Variants in RNF152 observed in about 807,000 individuals in gnomAD.
The protein encoded by RNF152 is ring finger protein 152, also known as E3 ubiquitin-protein ligase RNF152.
RNF152 carries 11 observed loss-of-function variants against 12.7 expected under a neutral mutation model. The ratio of observed to expected loss-of-function variants is 0.86; its 90% CI spans 0.54 to 1.43. The LOEUF (loss-of-function observed/expected upper bound fraction) is 1.43. Among genes scored for constraint, RNF152 ranks in the 40% most tolerant of loss-of-function variants. The pLI, the probability that RNF152 is intolerant of heterozygous loss-of-function variation, is 0.00. For synonymous variants in RNF152, 113 were observed against 120.3 expected (o/e 0.94, Z 0.40); for missense variants, 255 against 274.8 (o/e 0.93, Z 0.51).
chr18:61,890,938 T>A (rs565579640), intron 1 of RNF152, among the ~76,000 whole-genome samples: 2 of 152,318 alleles, frequency 1.3e-5, no homozygotes, highest in South Asian at 4.1e-4. Context: ...GCATTAAAGT[T>A]GAGGCTGGAT....
At chr18:61,868,838 G>A (rs1911856148) in intron 1 of RNF152, among the ~76,000 whole-genome samples, 2 of 152,208 alleles carry the variant, frequency 1.3e-5, no homozygotes, top group Admixed American at 1.3e-4. Flanking sequence ...GAGCAGGGAA[G>A]CATGTAGTCA....
intron 1 of RNF152, among the ~76,000 whole-genome samples, chr18:61,859,439 G>T (rs1046767728): frequency 6.6e-6 from 1 of 152,238 alleles, no homozygotes; most frequent in African/African-American, 2.4e-5. Flanking sequence ...AAGGGTTCCG[G>T]AGAGTCAGGG....
intron 1 of RNF152, among the ~76,000 whole-genome samples, chr18:61,889,849 C>T (rs1178432785): frequency 6.6e-6 from 1 of 152,152 alleles, no homozygotes; most frequent in Admixed American, 6.5e-5. Context: ...AAGCCTTAAA[C>T]AAGAGGCAGA....
chr18:61,892,149 A>G (rs891605318), intron 1 of RNF152, among the ~76,000 whole-genome samples: 1 of 152,236 alleles, frequency 6.6e-6, no homozygotes, highest in African/African-American at 2.4e-5. Context: ...TAACCTAAAG[A>G]TAAAATCCAG....
At chr18:61,859,934 T>C (rs537927986) in intron 1 of RNF152, among the ~76,000 whole-genome samples, 66 of 151,828 alleles carry the variant, frequency 4.3e-4, no homozygotes, top group Non-Finnish European at 9.0e-4. Flanking sequence ...TCTCAGAATG[T>C]AGCCTTATTT....
chr18:61,831,319 C>A (rs1040851782), intron 1 of RNF152, among the ~76,000 whole-genome samples: 1 of 152,184 alleles, frequency 6.6e-6, no homozygotes, highest in African/African-American at 2.4e-5. Context: ...CGGGGAAATG[C>A]TCGGATTCAT....
chr18:61,858,497 T>TC (rs1272285435), intron 1 of RNF152, among the ~76,000 whole-genome samples: 1 of 151,858 alleles, frequency 6.6e-6, no homozygotes, highest in African/African-American at 2.4e-5. Context: ...TAGAAATATT[T>TC]CCCCCGATAC....
At chr18:61,891,681 TAGA>T (rs1429294532) in intron 1 of RNF152, among the ~76,000 whole-genome samples, 1 of 152,238 alleles carries the variant, frequency 6.6e-6, no homozygotes, top group Non-Finnish European at 1.5e-5. Flanking sequence ...ATGCTTGTAG[TAGA>T]AGGATAAATG....
rs116981748 is a variant in RNF152 at position 61,841,373 on chromosome 18, C to T, written c.-135-24775G>A. Among the ~76,000 whole-genome samples the T allele has an allele frequency of 9.6e-3, 1,459 of 152,262 alleles. 7 individuals are homozygous for T. Among genetic ancestry groups the T allele is most frequent in the Non-Finnish European group, 0.016 (1,058 of 68,028 alleles). On this transcript the variant is annotated intron_variant, in intron 1 of 1. Coordinates refer to ENST00000312828, the MANE Select transcript of RNF152 (RefSeq NM_173557.3). ...AGGAACCAATATTCATGAAATAGTCCCTTCTCCATTAATAATAGTTACAAA... is the reference window on the plus strand; with the variant it reads ...AGGAACCAATATTCATGAAATAGTCTCTTCTCCATTAATAATAGTTACAAA...
rs1307336972 is a variant in RNF152, at chr18:61,812,524, T to C, written c.*3328A>G. 1 of 152,226 alleles carries C rather than the reference T, an allele frequency of 6.6e-6. No individual in the cohort carries two copies. The highest frequency in any genetic ancestry group is 1.5e-5 in the Non-Finnish European group (1 of 68,032). The allele number at this position is 152,226 out of a possible 1,614,324, so 9.4% of individuals were successfully genotyped here. On this transcript the variant is annotated 3_prime_UTR_variant, in exon 2 of 2. Transcript: ENST00000312828. ...CAAGTTGCCTTTTCATCACAACTTA[T>C]GCCCCAAGTCATTATACAAAATTTT... is the stretch of plus-strand genomic sequence containing the variant.
At chr18:61,891,188 C>T (rs1374330911) in intron 1 of RNF152, among the ~76,000 whole-genome samples, 1 of 152,184 alleles carries the variant, frequency 6.6e-6, no homozygotes, top group Non-Finnish European at 1.5e-5. Flanking sequence ...AGAGATCAGC[C>T]TAATAGCCTC....
chr18:61,826,306 A>C (rs1363202637), intron 1 of RNF152, among the ~76,000 whole-genome samples: 1 of 152,186 alleles, frequency 6.6e-6, no homozygotes, highest in African/African-American at 2.4e-5. Context: ...ACAAAGAGAA[A>C]CCCACCATAA....
intron 1 of RNF152, among the ~76,000 whole-genome samples, chr18:61,820,119 G>C (rs1411920881): frequency 1.3e-5 from 2 of 150,528 alleles, no homozygotes; most frequent in Non-Finnish European, 3.0e-5. Context: ...CACGAGGTCA[G>C]GAGATCGAGA....
At chr18:61,874,720 A>G (rs1912139370) in intron 1 of RNF152, among the ~76,000 whole-genome samples, 1 of 152,192 alleles carries the variant, frequency 6.6e-6, no homozygotes, top group African/African-American at 2.4e-5. Flanking sequence ...TCTGGTGAAT[A>G]GTTTTGTTAA....
At chr18:61,893,959 G>C (rs1599336743), upstream of RNF152, among the ~76,000 whole-genome samples, 1 of 121,668 alleles carries the variant, frequency 8.2e-6, no homozygotes, top group Non-Finnish European at 1.8e-5. Context: ...TCCCCTCCCC[G>C]GGACCCTGCG....
intron 1 of RNF152, among the ~76,000 whole-genome samples, chr18:61,861,383 A>G (rs1218542472): frequency 6.6e-6 from 1 of 152,248 alleles, no homozygotes; most frequent in East Asian, 1.9e-4. Context: ...TCAGTATAAT[A>G]ATATGCTGTA....
chr18:61,821,984 A>G (rs1017758422), intron 1 of RNF152, among the ~76,000 whole-genome samples: 2 of 152,218 alleles, frequency 1.3e-5, no homozygotes, highest in Non-Finnish European at 2.9e-5. Context: ...CTGCTGCTTC[A>G]GAGACCTGTT....
intron 1 of RNF152, among the ~76,000 whole-genome samples, chr18:61,868,143 G>A (rs1014971607): frequency 6.6e-6 from 1 of 152,176 alleles, no homozygotes; most frequent in Non-Finnish European, 1.5e-5. Context: ...AGCCAGCACA[G>A]GCATTCAGAA....
intron 1 of RNF152, among the ~76,000 whole-genome samples, chr18:61,868,398 C>A (rs1474428077): frequency 6.6e-6 from 1 of 152,136 alleles, no homozygotes; most frequent in African/African-American, 2.4e-5. Context: ...GGGAAGCCAC[C>A]AAGGTCATTA....
Sources: allele counts gnomAD v4.1 joint callset (sites outside exome capture counted in the v4.1 genomes callset), GRCh38; gene constraint gnomAD v4.1.1; transcripts MANE v1.5; gene names NCBI Gene and HGNC (gene_info 2026-07-23, HGNC 2026-07-21).